YEATS2: variants seen among roughly 807,000 people sequenced by gnomAD.
YEATS2 encodes the protein YEATS domain containing 2.
A neutral mutation model predicts 163.2 loss-of-function variants in YEATS2; 77 were observed. The observed-to-expected ratio is 0.47, with a 90% confidence interval of 0.39 to 0.57. The LOEUF is 0.57. YEATS2 is among the 20% of genes least tolerant of loss of function. YEATS2 has a pLI of 0.00. For missense variants in YEATS2, 1,549 were observed against 1,729.8 expected (o/e 0.90, Z 1.85); for synonymous variants, 631 against 645.1 (o/e 0.98, Z 0.33).
At chr3:183,766,682 T>C (rs776921521) in intron 15 of YEATS2, among the ~76,000 whole-genome samples, 6 of 152,180 alleles carry the variant, frequency 3.9e-5, no homozygotes. Flanking sequence ...ACGTTGTGGT[T>C]TTTTGGTGGT....
At chr3:183,773,924 G>A in intron 17 of YEATS2, 130 bp downstream of exon 17, 1 of 1,144,760 alleles carries the variant, frequency 8.7e-7, no homozygotes, top group Non-Finnish European at 1.2e-6. Context: ...TGTAATGGTA[G>A]CATTTGCTCA....
chr3:183,809,420 T>C (rs1726564146), intron 30 of YEATS2: 1 of 384,626 alleles, frequency 2.6e-6, no homozygotes, highest in Non-Finnish European at 4.7e-6. Flanking sequence ...CCTAGGACTC[T>C]GTTTTATTAC....
chr3:183,801,903 C>T (rs1725698820), intron 25 of YEATS2: 1 of 158,524 alleles, frequency 6.3e-6, no homozygotes, highest in Non-Finnish European at 1.4e-5. Context: ...ATAATCCCAG[C>T]CTCCTGTGTG....
At chr3:183,758,777 AAG>A (rs2109331108) in intron 12 of YEATS2, 83 bp from the exon 13 acceptor site, 2 of 935,168 alleles carry the variant, frequency 2.1e-6, no homozygotes, top group East Asian at 2.5e-5. Flanking sequence ...AATAGTGCGA[AAG>A]AGGGGAGGAT....
At chr3:183,701,003 C>T (rs1281718661) in intron 1 of YEATS2, among the ~76,000 whole-genome samples, 1 of 151,248 alleles carries the variant, frequency 6.6e-6, no homozygotes, top group Non-Finnish European at 1.5e-5. Flanking sequence ...TGTGAATATA[C>T]TGAAATCCAC....
chr3:183,793,599 T>G, intron 21 of YEATS2: 1 of 235,952 alleles, frequency 4.2e-6, no homozygotes, highest in Non-Finnish European at 6.3e-6. Context: ...GTATCACATT[T>G]TCTTTCTTTC....
chr3:183,717,588 G>T, intron 2 of YEATS2, 63 bp from the exon 3 acceptor site: 1 of 1,234,564 alleles, frequency 8.1e-7, no homozygotes, highest in South Asian at 1.5e-5. Context: ...GTTGCTTGCT[G>T]ACTTAAATAA....
In YEATS2 at chr3:183,790,791, G is replaced by A. The variant is rs1434990632; in HGVS notation, c.2914-6G>A. The A allele has an allele frequency of 6.2e-7, 1 of 1,612,336 alleles. No homozygotes were observed. The highest frequency in any genetic ancestry group is 1.3e-5 in the African/African-American group (1 of 74,898). On this transcript the variant is annotated splice_region_variant and splice_polypyrimidine_tract_variant and intron_variant, in intron 20 of 30. Transcript: ENST00000305135. The stretch of plus-strand genomic sequence containing the variant: ...CTGTGTTGTTTCGGACCCCATGGGT[G>A]AGCAGTCTGAAGGAATGGCTCCCGT...
In YEATS2 at chr3:183,752,232, C is replaced by T. The variant is rs1250904456; in HGVS notation, c.1129C>T (p.Pro377Ser). The T allele has an allele frequency of 1.2e-6, 2 of 1,614,144 alleles. No homozygotes were observed. The highest frequency in any genetic ancestry group is 1.1e-5 in the South Asian group (1 of 91,078). ...AATAAAGCAGTCACATGAGCCAGTA[C>T]CCGATACCTCTGTGGAGAAAGGTAA... Reference protein sequence around the residue: ...SPIKQSHEPVPDTSVEKGFPA... With the variant: ...SPIKQSHEPVSDTSVEKGFPA... Residue 377 changes from proline (P) to serine (S), a missense_variant, in exon 10 of 31, where the codon CCC (proline) becomes TCC (serine). Physicochemically the swap from Pro to Ser is moderately conservative, Grantham distance 74 (BLOSUM62 -1). Coordinates refer to ENST00000305135, the MANE Select transcript of YEATS2 (RefSeq NM_018023.5).
rs1038198258 is a variant in YEATS2 at position 183,757,230 on chromosome 3, G to T, written c.1552+541G>T. 2.9e-4 allele frequency among the ~76,000 whole-genome samples: 44 copies of T among 152,116 alleles called. 1 individual carries two copies. The Middle Eastern group carries it at 0.014, about 47-fold the overall frequency. On this transcript the variant is annotated intron_variant, in intron 12 of 30. Transcript: ENST00000305135. ...CATGCTTTTTAGGTTTTTTTGAAAT[G>T]CTTTCTCTAACATTATTTTATTTAT...
At chr3:183,740,473 T>C (rs1718830872) in intron 8 of YEATS2, among the ~76,000 whole-genome samples, 1 of 152,188 alleles carries the variant, frequency 6.6e-6, no homozygotes. Context: ...ACACAAATGA[T>C]AAGAAAGCAA....
At chr3:183,744,883 C>G (rs537808315) in intron 8 of YEATS2, among the ~76,000 whole-genome samples, 2 of 152,036 alleles carry the variant, frequency 1.3e-5, no homozygotes, top group African/African-American at 4.8e-5. Flanking sequence ...CAGAATCTCA[C>G]TCTGTCACCC....
intron 1 of YEATS2, among the ~76,000 whole-genome samples, chr3:183,710,375 C>T (rs1715074858): frequency 6.6e-6 from 1 of 152,164 alleles, no homozygotes; most frequent in African/African-American, 2.4e-5. Flanking sequence ...GCAGATGTGC[C>T]TAGTCTTAGC....
intron 9 of YEATS2, among the ~76,000 whole-genome samples, chr3:183,750,119 C>T (rs541366959): frequency 1.7e-4 from 26 of 152,202 alleles, no homozygotes; most frequent in East Asian, 1.4e-3. Context: ...CCACCGCGCC[C>T]GGCCTACTTG....
chr3:183,771,516 T>C (rs1220140481), intron 15 of YEATS2, among the ~76,000 whole-genome samples: 1 of 150,294 alleles, frequency 6.7e-6, no homozygotes, highest in Non-Finnish European at 1.5e-5. Flanking sequence ...GTCTTTTTTT[T>C]TTTTAATAGT....
chr3:183,727,550 C>T (rs369982323), intron 6 of YEATS2, among the ~76,000 whole-genome samples: 27 of 152,304 alleles, frequency 1.8e-4, no homozygotes, highest in Middle Eastern at 3.4e-3. Flanking sequence ...GTCAAGAACA[C>T]TCCTCAAGAG....
intron 11 of YEATS2, among the ~76,000 whole-genome samples, chr3:183,754,601 C>T (rs1720522505): frequency 6.6e-6 from 1 of 152,302 alleles, no homozygotes; most frequent in African/African-American, 2.4e-5. Context: ...AAATTTTTGT[C>T]TGCCAGAATC....
At position 183,755,741 on chromosome 3, in the gene YEATS2, C is replaced by CTTTTTTTTTTT. The variant is rs57050296; in HGVS notation, c.1391-768_1391-758dup. On this transcript the variant is annotated intron_variant, in intron 11 of 30. Transcript: ENST00000305135. ...ACTTACTGATTTTCTTCCTTCCTTT[C>CTTTTTTTTTTT]TTTTTTTTTTTTTTTTTTTTTTTTT... 1.8e-3 allele frequency among the ~76,000 whole-genome samples: 148 copies of CTTTTTTTTTTT among 82,162 alleles called. 16 individuals carry two copies. Among genetic ancestry groups the CTTTTTTTTTTT allele is most frequent in the African/African-American group, 3.9e-3 (65 of 16,534 alleles). 53.9% of individuals were successfully genotyped at this position (82,162 alleles called of 152,430 possible). A position where few individuals can be genotyped will look rare whatever the true frequency, so the allele number is the denominator to read the frequency against.
intron 1 of YEATS2, among the ~76,000 whole-genome samples, chr3:183,708,092 G>C (rs1714804596): frequency 6.6e-6 from 1 of 151,176 alleles, no homozygotes. Context: ...TACCTCATAT[G>C]ATATATGGCA....
Sources: gnomAD v4.1 joint callset for allele counts (sites outside exome capture counted in the v4.1 genomes callset) on GRCh38, gnomAD v4.1.1 for gene constraint, MANE v1.5 for transcripts, NCBI Gene and HGNC (gene_info 2026-07-23, HGNC 2026-07-21) for gene names.